ITGAD: variants seen among roughly 807,000 people sequenced by gnomAD.
ITGAD encodes integrin subunit alpha D.
A neutral mutation model predicts 139.0 loss-of-function variants in ITGAD; 105 were observed. The observed-to-expected ratio is 0.76, with a 90% confidence interval of 0.65 to 0.89. The LOEUF is 0.89. Ranked by LOEUF, ITGAD falls within the 40% of genes least tolerant of loss-of-function variation. ITGAD has a pLI of 0.00. For synonymous variants in ITGAD, 569 were observed against 598.3 expected (o/e 0.95, Z 0.71); for missense variants, 1,384 against 1,487.3 (o/e 0.93, Z 1.14).
chr16:31,413,220 T>A lies in ITGAD; in HGVS notation c.1970T>A (p.Ile657Asn). Reference sequence around the variant, plus strand: ...GGGGACGCCACCGTCTGTCTCACCATCCAGAAAAGCTCACTGGACCAGCTA... The same window carrying A: ...GGGGACGCCACCGTCTGTCTCACCAACCAGAAAAGCTCACTGGACCAGCTA... ...EAGDATVCLT[I>N]QKSSLDQLGD... Residue 657 changes from isoleucine to asparagine, a missense_variant, in exon 16 of 30, where the codon ATC becomes AAC. Transcript: ENST00000389202. 2 of 1,614,030 alleles carry A rather than the reference T, an allele frequency of 1.2e-6. No homozygotes were observed. Among genetic ancestry groups the A allele is most frequent in the Non-Finnish European group, 1.7e-6 (2 of 1,179,968 alleles).
At chr16:31,425,417 T>C (rs1221828607) in intron 29 of ITGAD, among the ~76,000 whole-genome samples, 2 of 152,166 alleles carry the variant, frequency 1.3e-5, no homozygotes, top group Non-Finnish European at 2.9e-5. Context: ...ACAGAGTGGC[T>C]GAAGTGAGAG....
chr16:31,410,489 C>G lies in ITGAD; in HGVS notation c.1178C>G (p.Ser393Cys). The change falls in exon 11 of 30, where the codon TCT (serine) becomes TGT (cysteine). Residue 393 changes from serine (S) to cysteine (C), a missense_variant. Transcript: ENST00000389202. ...ATGAGCCCCACCTTCATCAACATGT[C>G]TCAGGAGAATGTGGACATGAGGGAC... Reference protein sequence around the residue: ...PNMSPTFINMSQENVDMRDSY... With the variant: ...PNMSPTFINMCQENVDMRDSY... The G allele has an allele frequency of 6.2e-7, 1 of 1,613,782 alleles. No homozygotes were observed. Among genetic ancestry groups the G allele is most frequent in the Non-Finnish European group, 8.5e-7 (1 of 1,179,940 alleles).
chr16:31,410,777 C>A lies in ITGAD; in HGVS notation c.1255C>A (p.Leu419Met). ...AGCCCTGTGGAAGGGGGTACAGAAC[C>A]TGGTCCTGGGGGCCCCCCGCTACCA... Reference protein sequence around the residue: ...ELALWKGVQNLVLGAPRYQHT... With the variant: ...ELALWKGVQNMVLGAPRYQHT... Residue 419 changes from leucine (L) to methionine (M), a missense_variant, in exon 12 of 30, where the codon CTG becomes ATG. Transcript: ENST00000389202. 4 of 1,613,632 alleles carry A rather than the reference C, an allele frequency of 2.5e-6. 1 individual carries two copies. In the South Asian group the frequency reaches 4.4e-5, roughly 18 times the overall value.
intron 23 of ITGAD, among the ~76,000 whole-genome samples, chr16:31,419,812 CAAAA>C (rs1202333629): frequency 3.4e-5 from 2 of 58,250 alleles, no homozygotes; most frequent in Admixed American, 1.8e-4. Context: ...GGCTCTGTCT[CAAAA>C]AAAAAAAAAA....
At chr16:31,402,422 G>A in intron 6 of ITGAD, 177 bp downstream of exon 6, 1 of 474,784 alleles carries the variant, frequency 2.1e-6, no homozygotes, top group East Asian at 3.2e-5. Context: ...AGGCCCTCTT[G>A]GCATTTAATA....
chr16:31,404,125 A>G (rs2081478362), intron 7 of ITGAD: 1 of 159,492 alleles, frequency 6.3e-6, no homozygotes, highest in Non-Finnish European at 1.4e-5. Flanking sequence ...CTGAGGTTTT[A>G]TCAGAGAATG....
chr16:31,404,026 CT>C, intron 7 of ITGAD: 1 of 223,466 alleles, frequency 4.5e-6, no homozygotes, highest in African/African-American at 2.3e-5. Context: ...CTCAGTAACT[CT>C]CAGATGAAGA....
Position 31,413,203 on chromosome 16 carries a change from C to T in ITGAD, c.1953C>T (p.Ala651=). The change falls in exon 16 of 30, where the codon GCC becomes GCT. Residue 651 remains alanine (A), a synonymous_variant. Transcript: ENST00000389202. ...EKPSALEAGD[A]TVCLTIQKSS... The stretch of plus-strand genomic sequence containing the variant: ...CCAGTGCCCTGGAAGCTGGGGACGC[C>T]ACCGTCTGTCTCACCATCCAGAAAA... 6.2e-7 allele frequency: 1 copy of T among 1,614,158 alleles called. No homozygotes were observed. Among genetic ancestry groups the T allele is most frequent in the Non-Finnish European group, 8.5e-7 (1 of 1,180,018 alleles).
At chr16:31,414,321 C>T (rs2081823643) in intron 16 of ITGAD, 130 bp from the exon 17 acceptor site, 2 of 891,424 alleles carry the variant, frequency 2.2e-6, no homozygotes, top group East Asian at 2.5e-5. Context: ...TCACATGTAT[C>T]CCCAGCACGT....
chr16:31,425,553 G>A (rs1314192945), intron 29 of ITGAD, among the ~76,000 whole-genome samples: 1 of 152,160 alleles, frequency 6.6e-6, no homozygotes, highest in Non-Finnish European at 1.5e-5. Flanking sequence ...TCACATAAAT[G>A]TTCTCGCACA....
intron 10 of ITGAD, among the ~76,000 whole-genome samples, chr16:31,409,359 C>G (rs2081622900): frequency 6.6e-6 from 1 of 151,248 alleles, no homozygotes; most frequent in South Asian, 2.1e-4. Flanking sequence ...AAAAACAAAC[C>G]CAGATGGGTT....
chr16:31,399,014 G>A (rs1361745998), intron 5 of ITGAD, among the ~76,000 whole-genome samples: 2 of 152,190 alleles, frequency 1.3e-5, no homozygotes, highest in Non-Finnish European at 2.9e-5. Context: ...TCCTCTCGAA[G>A]AGGAGCAAAT....
intron 5 of ITGAD, among the ~76,000 whole-genome samples, chr16:31,399,874 C>T (rs1298461463): frequency 6.6e-6 from 1 of 152,028 alleles, no homozygotes; most frequent in Admixed American, 6.6e-5. Flanking sequence ...CGGGCAGGCC[C>T]ATTCTCATTT....
chr16:31,425,976 C>A (rs773383619), intron 29 of ITGAD, 39 bp from the exon 30 acceptor site: 1 of 1,444,350 alleles, frequency 6.9e-7, no homozygotes, highest in Non-Finnish European at 9.7e-7. Flanking sequence ...CCACCGGGCC[C>A]GGACTTACCC....
intron 14 of ITGAD, 114 bp from the exon 15 acceptor site, chr16:31,412,724 A>G: frequency 7.6e-7 from 1 of 1,323,798 alleles, no homozygotes. Flanking sequence ...ATCTGTTCAC[A>G]GCTCACCCCT....
intron 12 of ITGAD, 55 bp from the exon 13 acceptor site, chr16:31,411,021 C>T: frequency 6.2e-7 from 1 of 1,605,698 alleles, no homozygotes. Context: ...GGACCCTGGC[C>T]CACAGGGCTG....
At chr16:31,406,736 T>C (rs4076526) in intron 7 of ITGAD, among the ~76,000 whole-genome samples, 5,141 of 152,256 alleles carry the variant, frequency 0.034, 289 homozygotes, top group African/African-American at 0.12. Flanking sequence ...CTGAGACCTA[T>C]AACTGGCATG....
At chr16:31,402,002 T>C in intron 5 of ITGAD, 113 bp from the exon 6 acceptor site, 1 of 1,187,110 alleles carries the variant, frequency 8.4e-7, no homozygotes, top group East Asian at 2.7e-5. Context: ...CAAGGAGGGG[T>C]CGGAAACTAG....
intron 18 of ITGAD, 68 bp downstream of exon 18, chr16:31,415,059 C>T: frequency 1.2e-5 from 19 of 1,573,514 alleles, no homozygotes; most frequent in Non-Finnish European, 1.7e-5. Flanking sequence ...TAAGAATCCA[C>T]TGTAGCTCCC....
Sources: gnomAD v4.1 joint callset for allele counts (sites outside exome capture counted in the v4.1 genomes callset) on GRCh38, gnomAD v4.1.1 for gene constraint, MANE v1.5 for transcripts, NCBI Gene and HGNC (gene_info 2026-07-23, HGNC 2026-07-21) for gene names.